Variants in RAB6C observed in about 807,000 individuals in gnomAD.
The protein encoded by RAB6C is ras-related protein Rab-6C.
Under a neutral mutation model 17.2 loss-of-function variants are expected in RAB6C, and 8 were observed. That is an observed-to-expected ratio of 0.46 (90% CI 0.27 to 0.84). The LOEUF is 0.84. Ranked by LOEUF, RAB6C falls within the 40% of genes least tolerant of loss-of-function variation. The pLI is 0.13. For missense variants in RAB6C, 151 were observed against 306.5 expected (o/e 0.49, Z 3.79); for synonymous variants, 78 against 118.9 (o/e 0.66, Z 2.24).
In RAB6C at chr2:129,979,775, C is replaced by G. The variant is rs1220809856; in HGVS notation, c.-341C>G. ...GCTCCGCCACCCTCCGTCTCTCTCC[C>G]GCAGGTCTCTGAGCCGGGTGCGGAA... is the stretch of plus-strand genomic sequence containing the variant. On this transcript the variant is annotated 5_prime_UTR_variant, in exon 1 of 1. Transcript: ENST00000410061. 4 of 425,512 alleles carry G rather than the reference C, an allele frequency of 9.4e-6. No homozygotes were observed. Among genetic ancestry groups the G allele is most frequent in the African/African-American group, 6.3e-5 (3 of 47,950 alleles). 26.4% of individuals were successfully genotyped at this position (425,512 alleles called of 1,614,324 possible). A position where few individuals can be genotyped will look rare whatever the true frequency, so the allele number is the denominator to read the frequency against.
At position 129,979,896 on chromosome 2, in the gene RAB6C, G is replaced by A. The variant is rs1228479192; in HGVS notation, c.-220G>A. ...TTCCCAGCCGCGGGCCTCGCTCCGT[G>A]CTCGGCTACTCTGCCGGGAGGCGGC... is the stretch of plus-strand genomic sequence containing the variant. On this transcript the variant is annotated 5_prime_UTR_variant, in exon 1 of 1. Coordinates refer to ENST00000410061, the MANE Select transcript of RAB6C (RefSeq NM_032144.3). The A allele has an allele frequency of 1.7e-5, 14 of 802,432 alleles. No homozygotes were observed. The African/African-American group carries it at 2.3e-4, about 13-fold the overall frequency. The allele number at this position is 802,432 out of a possible 1,614,324, so 49.7% of individuals were successfully genotyped here.
Position 129,979,947 on chromosome 2 carries a change from C to T in RAB6C, c.-169C>T, listed in dbSNP as rs1283529522. 4 of 1,262,168 alleles carry T rather than the reference C, an allele frequency of 3.2e-6. No individual in the cohort carries two copies. Among genetic ancestry groups the T allele is most frequent in the Non-Finnish European group, 4.3e-6 (4 of 927,294 alleles). 78.2% of individuals were successfully genotyped at this position (1,262,168 alleles called of 1,614,324 possible). On this transcript the variant is annotated 5_prime_UTR_variant, in exon 1 of 1. Coordinates refer to ENST00000410061, the MANE Select transcript of RAB6C (RefSeq NM_032144.3). ...GGCGGCTGCCAGTCTGTGGCGAGCC[C>T]TGCTGCCCTCCAGCCGGGCTCCTCC... is the stretch of plus-strand genomic sequence containing the variant.
rs985334246 is a variant in RAB6C, at chr2:129,982,663, A to G, written c.*1783A>G. The G allele has an allele frequency of 6.0e-4, 101 of 167,262 alleles. No individual in the cohort carries two copies. Among genetic ancestry groups the G allele is most frequent in the Non-Finnish European group, 1.1e-3 (72 of 68,124 alleles). The allele number at this position is 167,262 out of a possible 1,614,324, so 10.4% of individuals were successfully genotyped here. On this transcript the variant is annotated 3_prime_UTR_variant, in exon 1 of 1. Transcript: ENST00000410061. ...ATAAAGTGCTTTTATAATACAATAT[A>G]ATTGCTAAAGGCAAGGGTTGACTCT... is the stretch of plus-strand genomic sequence containing the variant.
chr2:129,981,393 T>C lies in RAB6C; in HGVS notation c.*513T>C, dbSNP rs1255883483. 5.6e-6 allele frequency: 1 copy of C among 177,904 alleles called. No homozygotes were observed. The highest frequency in any genetic ancestry group is 2.4e-5 in the African/African-American group (1 of 41,508). 11.0% of individuals were successfully genotyped at this position (177,904 alleles called of 1,614,324 possible). A position where few individuals can be genotyped will look rare whatever the true frequency, so the allele number is the denominator to read the frequency against. ...ATGAGAAAAGCCTCCTGGTGCATCT[T>C]CAAAATGAGTCCTAAAGAACATACT... On this transcript the variant is annotated 3_prime_UTR_variant, in exon 1 of 1. Coordinates refer to ENST00000410061, the MANE Select transcript of RAB6C (RefSeq NM_032144.3).
rs1681782224 is a variant in RAB6C, at chr2:129,982,352, G to T, written c.*1472G>T. 6.0e-6 allele frequency: 1 copy of T among 167,022 alleles called. No homozygotes were observed. Among genetic ancestry groups the T allele is most frequent in the South Asian group, 2.1e-4 (1 of 4,830 alleles). The allele number at this position is 167,022 out of a possible 1,614,324, so 10.3% of individuals were successfully genotyped here. A position where few individuals can be genotyped will look rare whatever the true frequency, so the allele number is the denominator to read the frequency against. On this transcript the variant is annotated 3_prime_UTR_variant, in exon 1 of 1. Coordinates refer to ENST00000410061, the MANE Select transcript of RAB6C (RefSeq NM_032144.3). ...TGCAGGAAGAAAACTTCGAGTTACA[G>T]GTCAGGAAAAGCCTGCTGAATTTAT...
At position 129,982,004 on chromosome 2, in the gene RAB6C, C is replaced by T. The variant is rs1417152946; in HGVS notation, c.*1124C>T. On this transcript the variant is annotated 3_prime_UTR_variant, in exon 1 of 1. Transcript: ENST00000410061. ...AACTGAATATTATGCAGATTTATGC[C>T]TTATTTTTTAGCATTTTTTAAGGTT... The T allele has an allele frequency of 3.6e-5, 6 of 166,850 alleles. No homozygotes were observed. Among genetic ancestry groups the T allele is most frequent in the Admixed American group, 2.0e-4 (3 of 15,254 alleles). The allele number at this position is 166,850 out of a possible 1,614,324, so 10.3% of individuals were successfully genotyped here.
Position 129,981,183 on chromosome 2 carries a change from AAAAC to A in RAB6C, c.*310_*313del, listed in dbSNP as rs1681758006. ...TTACCTAGCCTCCCCCCACTTCCTCAAAACAAACAAGAGATGGCAAAGCAGCAGT... is the reference window on the plus strand; with the variant it reads ...TTACCTAGCCTCCCCCCACTTCCTCAAAACAAGAGATGGCAAAGCAGCAGT... On this transcript the variant is annotated 3_prime_UTR_variant, in exon 1 of 1. Transcript: ENST00000410061. 1 of 210,990 alleles carries A rather than the reference AAAAC, an allele frequency of 4.7e-6. No homozygotes were observed. The highest frequency in any genetic ancestry group is 5.3e-5 in the Admixed American group (1 of 18,924). 13.1% of individuals were successfully genotyped at this position (210,990 alleles called of 1,614,324 possible).
chr2:129,981,518 G>A lies in RAB6C; in HGVS notation c.*638G>A, dbSNP rs1245388991. On this transcript the variant is annotated 3_prime_UTR_variant, in exon 1 of 1. Coordinates refer to ENST00000410061, the MANE Select transcript of RAB6C (RefSeq NM_032144.3). ...GACTCTGGGAGAGAAAAGTAACCAA[G>A]TGCTTCAGAACAGGTTTTTAGTATT... 6.0e-6 allele frequency: 1 copy of A among 167,382 alleles called. No homozygotes were observed. The highest frequency in any genetic ancestry group is 1.5e-5 in the Non-Finnish European group (1 of 68,366). The allele number at this position is 167,382 out of a possible 1,614,324, so 10.4% of individuals were successfully genotyped here.
Position 129,979,839 on chromosome 2 carries a change from C to G in RAB6C, c.-277C>G, listed in dbSNP as rs1573545758. 1.7e-6 allele frequency: 1 copy of G among 597,128 alleles called. No homozygotes were observed. Among genetic ancestry groups the G allele is most frequent in the East Asian group, 2.9e-5 (1 of 34,512 alleles). 37.0% of individuals were successfully genotyped at this position (597,128 alleles called of 1,614,324 possible). ...CTAGCCTTGGGAAGCCAAAGCACAC[C>G]CCTGGCTCCTGCCGACACCGCCCTC... On this transcript the variant is annotated 5_prime_UTR_variant, in exon 1 of 1. Coordinates refer to ENST00000410061, the MANE Select transcript of RAB6C (RefSeq NM_032144.3).
rs908189301 is a variant in RAB6C, at chr2:129,982,105, C to A, written c.*1225C>A. 1 of 162,400 alleles carries A rather than the reference C, an allele frequency of 6.2e-6. No individual in the cohort carries two copies. The highest frequency in any genetic ancestry group is 2.5e-5 in the African/African-American group (1 of 40,346). The allele number at this position is 162,400 out of a possible 1,614,324, so 10.1% of individuals were successfully genotyped here. On this transcript the variant is annotated 3_prime_UTR_variant, in exon 1 of 1. Transcript: ENST00000410061. ...GTGATTTAGTTTTATATTTAAGCTA[C>A]GATTAATATTTTTTCTTTGGCGATA...
rs1184631984 is a variant in RAB6C at position 129,981,524 on chromosome 2, CA to C, written c.*645del. The C allele has an allele frequency of 6.0e-6, 1 of 167,322 alleles. No individual in the cohort carries two copies. The highest frequency in any genetic ancestry group is 2.4e-5 in the African/African-American group (1 of 41,454). 10.4% of individuals were successfully genotyped at this position (167,322 alleles called of 1,614,324 possible). On this transcript the variant is annotated 3_prime_UTR_variant, in exon 1 of 1. Coordinates refer to ENST00000410061, the MANE Select transcript of RAB6C (RefSeq NM_032144.3). ...GGGAGAGAAAAGTAACCAAGTGCTT[CA>C]GAACAGGTTTTTAGTATTTACTTCT...
rs551916165 is a variant in RAB6C at position 129,980,395 on chromosome 2, G to A, written c.280G>A (p.Asp94Asn). The A allele has an allele frequency of 6.8e-5, 110 of 1,613,062 alleles. 1 individual carries two copies. In the South Asian group the frequency reaches 1.1e-3, roughly 16 times the overall value. The change falls in exon 1 of 1, where the codon GAT (aspartate) becomes AAT (asparagine). Residue 94 changes from aspartate to asparagine, a missense_variant. Asp to Asn is a conservative substitution (Grantham distance 23, BLOSUM62 1). Coordinates refer to ENST00000410061, the MANE Select transcript of RAB6C (RefSeq NM_032144.3). ...TTCTGCTGCAGCTGTAGTAGTTTAC[G>A]ATATCACAAATGTTAACTCATTCCA... is the stretch of plus-strand genomic sequence containing the variant. ...RDSAAAVVVYDITNVNSFQQT... is the reference protein window; with the variant it reads ...RDSAAAVVVYNITNVNSFQQT...
rs1409422398 is a variant in RAB6C at position 129,982,027 on chromosome 2, G to T, written c.*1147G>T. On this transcript the variant is annotated 3_prime_UTR_variant, in exon 1 of 1. Transcript: ENST00000410061. ...GCCTTATTTTTTAGCATTTTTTAAG[G>T]TTGGGTCTTTCAGGCTGGTTTTGGT... 1.8e-5 allele frequency: 3 copies of T among 166,258 alleles called. No homozygotes were observed. The highest frequency in any genetic ancestry group is 4.9e-5 in the African/African-American group (2 of 41,122). 10.3% of individuals were successfully genotyped at this position (166,258 alleles called of 1,614,324 possible).
In RAB6C at chr2:129,982,368, C is replaced by T. The variant is rs1300504485; in HGVS notation, c.*1488C>T. The stretch of plus-strand genomic sequence containing the variant: ...CGAGTTACAGGTCAGGAAAAGCCTG[C>T]TGAATTTATGTTGTAAACGTTACTT... On this transcript the variant is annotated 3_prime_UTR_variant, in exon 1 of 1. Coordinates refer to ENST00000410061, the MANE Select transcript of RAB6C (RefSeq NM_032144.3). The T allele has an allele frequency of 6.0e-6, 1 of 167,058 alleles. No individual in the cohort carries two copies. Among genetic ancestry groups the T allele is most frequent in the Non-Finnish European group, 1.5e-5 (1 of 68,112 alleles). 10.3% of individuals were successfully genotyped at this position (167,058 alleles called of 1,614,324 possible). A position where few individuals can be genotyped will look rare whatever the true frequency, so the allele number is the denominator to read the frequency against.
At position 129,981,016 on chromosome 2, in the gene RAB6C, A is replaced by G. The variant is rs1187656932; in HGVS notation, c.*136A>G. 27 of 1,183,136 alleles carry G rather than the reference A, an allele frequency of 2.3e-5. No individual in the cohort carries two copies. The highest frequency in any genetic ancestry group is 2.4e-4 in the Middle Eastern group (1 of 4,124). 73.3% of individuals were successfully genotyped at this position (1,183,136 alleles called of 1,614,324 possible). ...TTTCTTAACATTTTTTTCTTTTTTA[A>G]TGTTATGATAATGTACTTCAAAATG... On this transcript the variant is annotated 3_prime_UTR_variant, in exon 1 of 1. Transcript: ENST00000410061.
chr2:129,981,609 A>T lies in RAB6C; in HGVS notation c.*729A>T, dbSNP rs914584312. 47 of 167,148 alleles carry T rather than the reference A, an allele frequency of 2.8e-4. No individual in the cohort carries two copies. Among genetic ancestry groups the T allele is most frequent in the African/African-American group, 1.1e-3 (45 of 41,468 alleles). 10.4% of individuals were successfully genotyped at this position (167,148 alleles called of 1,614,324 possible). Reference sequence around the variant, plus strand: ...TTCTCCCAAGGTTTTAAAATTGTCAAGAGTTATTCTGTTTGTTTAAAAAGT... The same window carrying T: ...TTCTCCCAAGGTTTTAAAATTGTCATGAGTTATTCTGTTTGTTTAAAAAGT... On this transcript the variant is annotated 3_prime_UTR_variant, in exon 1 of 1. Coordinates refer to ENST00000410061, the MANE Select transcript of RAB6C (RefSeq NM_032144.3).
Position 129,980,423 on chromosome 2 carries a change from A to C in RAB6C, c.308A>C (p.Gln103Pro), listed in dbSNP as rs1258168815. Residue 103 changes from glutamine (Q) to proline (P), a missense_variant, in exon 1 of 1, where the codon CAA becomes CCA. This residue lies in a region of RAB6C where 136 missense variants were observed against 200.0 expected (regional missense o/e 0.68). Coordinates refer to ENST00000410061, the MANE Select transcript of RAB6C (RefSeq NM_032144.3). Reference protein sequence around the residue: ...YDITNVNSFQQTTKWIDDVRT... With the variant: ...YDITNVNSFQPTTKWIDDVRT... ...ATCACAAATGTTAACTCATTCCAGC[A>C]AACTACAAAGTGGATTGATGATGTC... 6.2e-7 allele frequency: 1 copy of C among 1,613,886 alleles called. No homozygotes were observed. Among genetic ancestry groups the C allele is most frequent in the African/African-American group, 1.3e-5 (1 of 74,842 alleles).
At position 129,980,331 on chromosome 2, in the gene RAB6C, G is replaced by A. The variant is rs1681732431; in HGVS notation, c.216G>A (p.Gln72=). 1 of 1,604,928 alleles carries A rather than the reference G, an allele frequency of 6.2e-7. No individual in the cohort carries two copies. Among genetic ancestry groups the A allele is most frequent in the Non-Finnish European group, 8.5e-7 (1 of 1,175,876 alleles). The change falls in exon 1 of 1, where the codon CAG becomes CAA. Residue 72 remains glutamine (Q), a synonymous_variant. Coordinates refer to ENST00000410061, the MANE Select transcript of RAB6C (RefSeq NM_032144.3). ...TTCGGCTGTGGGATACGGCGGGTCA[G>A]GAACGTCTCCGTAGCCTCATTCCCA... ...IGLRLWDTAG[Q]ERLRSLIPRY... is the part of the protein sequence containing the mutation.
At position 129,982,105 on chromosome 2, in the gene RAB6C, C is replaced by T. The variant is rs908189301; in HGVS notation, c.*1225C>T. On this transcript the variant is annotated 3_prime_UTR_variant, in exon 1 of 1. Transcript: ENST00000410061. The stretch of plus-strand genomic sequence containing the variant: ...GTGATTTAGTTTTATATTTAAGCTA[C>T]GATTAATATTTTTTCTTTGGCGATA... The T allele has an allele frequency of 1.2e-5, 2 of 162,428 alleles. No homozygotes were observed. Among genetic ancestry groups the T allele is most frequent in the South Asian group, 2.1e-4 (1 of 4,744 alleles). 10.1% of individuals were successfully genotyped at this position (162,428 alleles called of 1,614,324 possible).
Sources: gnomAD v4.1 joint callset for allele counts on GRCh38, gnomAD v4.1.1 for gene constraint, gnomAD v4.1.1 regional missense constraint, MANE v1.5 for transcripts, NCBI Gene and HGNC (gene_info 2026-07-23, HGNC 2026-07-21) for gene names.